TMEM132D: variants seen among roughly 807,000 people sequenced by gnomAD.
TMEM132D encodes transmembrane protein 132D.
In TMEM132D, 21 loss-of-function variants were observed where a neutral mutation model predicts 62.3. The ratio of observed to expected loss-of-function variants is 0.34; its 90% CI spans 0.24 to 0.49. TMEM132D has a LOEUF of 0.49. TMEM132D is among the 20% of genes least tolerant of loss of function. The pLI, the probability that TMEM132D is intolerant of heterozygous loss-of-function variation, is 0.99. For missense variants in TMEM132D, 1,346 were observed against 1,402.8 expected, an observed-to-expected ratio of 0.96 and a Z score of 0.65; for synonymous variants, 621 against 575.6, an observed-to-expected ratio of 1.08 and a Z score of -1.13.
intron 5 of TMEM132D, among the ~76,000 whole-genome samples, chr12:129,173,931 C>T (rs75086104): frequency 2.6e-5 from 4 of 152,034 alleles, no homozygotes; most frequent in South Asian, 2.1e-4. Context: ...AAGAGAGACA[C>T]GAATATCTCC....
At chr12:129,416,196 T>G (rs576846511) in intron 3 of TMEM132D, among the ~76,000 whole-genome samples, 20 of 152,350 alleles carry the variant, frequency 1.3e-4, no homozygotes, top group African/African-American at 4.8e-4. Context: ...GAGCATGGAA[T>G]GTTTTTCCAT....
intron 2 of TMEM132D, among the ~76,000 whole-genome samples, chr12:129,570,481 G>T (rs554453507): frequency 1.3e-5 from 2 of 152,198 alleles, no homozygotes; most frequent in Non-Finnish European, 1.5e-5. Context: ...GGAACCACAG[G>T]TTCGTGACCA....
At chr12:129,554,467 G>A (rs1029540154) in intron 2 of TMEM132D, among the ~76,000 whole-genome samples, 9 of 152,156 alleles carry the variant, frequency 5.9e-5, no homozygotes, top group South Asian at 2.1e-4. Flanking sequence ...AAAGAAAAAG[G>A]TGACCCTTGA....
rs531900009 is a variant in TMEM132D, at chr12:129,537,056, A to G, written c.969-5851T>C. On this transcript the variant is annotated intron_variant, in intron 2 of 8. Transcript: ENST00000422113. ...CTGTAATCCCACCCAGCTACTCAGG[A>G]GGCTGAGACGGGAGAATTGCTTGAA... Among the ~76,000 whole-genome samples, 4 of 149,158 alleles carry G rather than the reference A, an allele frequency of 2.7e-5. No homozygotes were observed. In the Admixed American group the frequency reaches 2.7e-4, roughly 10 times the overall value.
chr12:129,866,101 A>G (rs1193744214), intron 1 of TMEM132D, among the ~76,000 whole-genome samples: 2 of 152,214 alleles, frequency 1.3e-5, no homozygotes, highest in African/African-American at 4.8e-5. Context: ...GATGGCACAC[A>G]AATGGCCAAG....
chr12:129,295,460 C>T (rs1251166264), intron 4 of TMEM132D, among the ~76,000 whole-genome samples: 2 of 136,056 alleles, frequency 1.5e-5, no homozygotes, highest in Admixed American at 8.1e-5. Context: ...GACAGTATCT[C>T]GTCCTTCTTG....
chr12:129,389,251 C>T (rs1470421420), intron 3 of TMEM132D, among the ~76,000 whole-genome samples: 1 of 152,030 alleles, frequency 6.6e-6, no homozygotes, highest in Non-Finnish European at 1.5e-5. Flanking sequence ...CTAATACTAA[C>T]ACCAACACTG....
intron 4 of TMEM132D, among the ~76,000 whole-genome samples, chr12:129,275,097 G>C (rs1880969332): frequency 6.6e-6 from 1 of 152,066 alleles, no homozygotes; most frequent in African/African-American, 2.4e-5. Flanking sequence ...CTGGTCAACA[G>C]TGTGAGACCC....
chr12:129,419,772 T>C lies in TMEM132D; in HGVS notation c.1116-81955A>G, dbSNP rs1411490924. On this transcript the variant is annotated intron_variant, in intron 3 of 8. Coordinates refer to ENST00000422113, the MANE Select transcript of TMEM132D (RefSeq NM_133448.3). ...TGAATCCTGCCCCATTGGAAGCAGT[T>C]GTCTGCTATATGAATATAAAATGCC... 2.0e-5 allele frequency among the ~76,000 whole-genome samples: 3 copies of C among 152,140 alleles called. No homozygotes were observed. In the East Asian group the frequency reaches 5.8e-4, roughly 29 times the overall value.
chr12:129,114,433 C>G (rs1037347693), intron 5 of TMEM132D, among the ~76,000 whole-genome samples: 3 of 150,786 alleles, frequency 2.0e-5, no homozygotes, highest in African/African-American at 7.4e-5. Context: ...TCCCTCCTTC[C>G]TCCCTCCCTC....
Position 129,346,525 on chromosome 12 carries a change from C to T in TMEM132D, c.1116-8708G>A, listed in dbSNP as rs117056835. The stretch of plus-strand genomic sequence containing the variant: ...GTTTCTCTAGTTCTTTTAATTGTGA[C>T]GTTAGGGTGTCGAGTTTAGGTCTGA... On this transcript the variant is annotated intron_variant, in intron 3 of 8. Coordinates refer to ENST00000422113, the MANE Select transcript of TMEM132D (RefSeq NM_133448.3). 3.3e-3 allele frequency among the ~76,000 whole-genome samples: 494 copies of T among 151,870 alleles called. 1 individual carries two copies. Among genetic ancestry groups the T allele is most frequent in the Admixed American group, 5.3e-3 (80 of 15,228 alleles).
chr12:129,831,533 A>G (rs1872832312), intron 1 of TMEM132D, among the ~76,000 whole-genome samples: 1 of 152,222 alleles, frequency 6.6e-6, no homozygotes, highest in Non-Finnish European at 1.5e-5. Flanking sequence ...AGCCGTGAAA[A>G]ATAAAACAGG....
chr12:129,852,799 G>C (rs1873589079), intron 1 of TMEM132D: 1 of 152,128 alleles, frequency 6.6e-6, no homozygotes, highest in African/African-American at 2.4e-5. Flanking sequence ...GTCATAAACT[G>C]TCATTTGTGT....
intron 5 of TMEM132D, among the ~76,000 whole-genome samples, chr12:129,145,692 G>C (rs959803725): frequency 6.6e-6 from 1 of 151,970 alleles, no homozygotes; most frequent in Non-Finnish European, 1.5e-5. Context: ...TTGTGTTACC[G>C]ACACCCTCTG....
intron 5 of TMEM132D, among the ~76,000 whole-genome samples, chr12:129,128,455 G>T (rs1016811447): frequency 6.6e-5 from 10 of 152,064 alleles, no homozygotes; most frequent in African/African-American, 2.4e-4. Flanking sequence ...CTGGGGAAGG[G>T]CCCCACTTTT....
chr12:129,678,293 C>T (rs1339012815), intron 2 of TMEM132D, among the ~76,000 whole-genome samples: 1 of 152,170 alleles, frequency 6.6e-6, no homozygotes, highest in Non-Finnish European at 1.5e-5. Flanking sequence ...CCTTTTTCCA[C>T]ATCCTCAACA....
chr12:129,804,039 C>T, intron 1 of TMEM132D, among the ~76,000 whole-genome samples: 1 of 100,606 alleles, frequency 9.9e-6, no homozygotes, highest in South Asian at 4.1e-4. Flanking sequence ...GAAATTGTGG[C>T]AATAATCAAT....
intron 3 of TMEM132D, among the ~76,000 whole-genome samples, chr12:129,486,159 C>T (rs376888635): frequency 5.9e-5 from 9 of 152,352 alleles, no homozygotes; most frequent in African/African-American, 2.2e-4. Flanking sequence ...TTCCTCACTC[C>T]CAGGAGGAGA....
intron 2 of TMEM132D, among the ~76,000 whole-genome samples, chr12:129,648,179 G>A (rs754873249): frequency 1.3e-5 from 2 of 152,170 alleles, no homozygotes; most frequent in East Asian, 3.9e-4. Flanking sequence ...CCTGAGATTG[G>A]TGTTTGGGGT....
Sources: allele counts gnomAD v4.1 joint callset (sites outside exome capture counted in the v4.1 genomes callset), GRCh38; gene constraint gnomAD v4.1.1; transcripts MANE v1.5; gene names NCBI Gene and HGNC (gene_info 2026-07-23, HGNC 2026-07-21).